Variants in LRP1B observed in about 807,000 individuals in gnomAD.
LRP1B encodes LDL receptor related protein 1B, also known as low-density lipoprotein receptor-related protein 1B.
LRP1B carries 217 observed loss-of-function variants against 556.6 expected under a neutral mutation model. The observed-to-expected ratio is 0.39, with a 90% CI of 0.35 to 0.44. The LOEUF is 0.44. LRP1B is among the 20% of genes least tolerant of loss of function. LRP1B has a pLI of 1.00. For synonymous variants in LRP1B, 2,047 were observed against 1,865.8 expected (o/e 1.10, Z -2.50); for missense variants, 5,053 against 5,620.8 (o/e 0.90, Z 3.23).
chr2:140,790,830 A>G (rs912506556), intron 32 of LRP1B, among the ~76,000 whole-genome samples: 1 of 152,168 alleles, frequency 6.6e-6, no homozygotes, highest in Non-Finnish European at 1.5e-5. Context: ...GGCCAAGGCA[A>G]TGGCTCACAC....
At chr2:140,470,469 C>A (rs185000167) in intron 60 of LRP1B, among the ~76,000 whole-genome samples, 1 of 151,692 alleles carries the variant, frequency 6.6e-6, no homozygotes, top group East Asian at 2.0e-4. Context: ...CACGGTGAAA[C>A]CCCGTCTCTC....
At chr2:141,189,075 A>C (rs893907266) in intron 6 of LRP1B, among the ~76,000 whole-genome samples, 1 of 151,992 alleles carries the variant, frequency 6.6e-6, no homozygotes, top group East Asian at 1.9e-4. Context: ...GTTTGAAAAA[A>C]TATCCAAAAC....
chr2:141,377,126 A>T (rs1166948463), intron 3 of LRP1B, among the ~76,000 whole-genome samples: 1 of 152,184 alleles, frequency 6.6e-6, no homozygotes, highest in Non-Finnish European at 1.5e-5. Context: ...GGATATGAGC[A>T]GTGCATGGGA....
At chr2:140,574,849 A>G (rs1295378139) in intron 43 of LRP1B, among the ~76,000 whole-genome samples, 1 of 152,182 alleles carries the variant, frequency 6.6e-6, no homozygotes, top group Admixed American at 6.5e-5. Flanking sequence ...TAATTAACCA[A>G]TATTTCTCAA....
intron 3 of LRP1B, among the ~76,000 whole-genome samples, chr2:141,380,839 G>A (rs780506822): frequency 2.0e-5 from 3 of 152,088 alleles, no homozygotes; most frequent in Non-Finnish European, 4.4e-5. Context: ...TCATACTTTA[G>A]TCTCTTGAGG....
chr2:142,065,515 A>G (rs1182634941), intron 1 of LRP1B, among the ~76,000 whole-genome samples: 1 of 151,252 alleles, frequency 6.6e-6, no homozygotes, highest in Non-Finnish European at 1.5e-5. Context: ...ATTTGTAATT[A>G]TTTTGGGCTT....
chr2:141,591,581 GGTGTGTGT>G (rs72043982), intron 2 of LRP1B, among the ~76,000 whole-genome samples: 94 of 148,226 alleles, frequency 6.3e-4, no homozygotes, highest in Admixed American at 2.3e-3. Flanking sequence ...ACTGCAGAGT[GGTGTGTGT>G]GTGTGTGTGT....
chr2:141,915,427 C>A (rs1277030154), intron 1 of LRP1B, among the ~76,000 whole-genome samples: 1 of 151,916 alleles, frequency 6.6e-6, no homozygotes, highest in African/African-American at 2.4e-5. Context: ...AACCTTTCAC[C>A]ATATACAAAA....
intron 21 of LRP1B, among the ~76,000 whole-genome samples, chr2:140,912,943 G>T (rs1039270264): frequency 6.6e-6 from 1 of 151,046 alleles, no homozygotes; most frequent in Admixed American, 6.6e-5. Context: ...AAACGGACTT[G>T]TTTTTAGTTT....
At chr2:140,576,223 G>A (rs578187819) in intron 43 of LRP1B, among the ~76,000 whole-genome samples, 1 of 152,078 alleles carries the variant, frequency 6.6e-6, no homozygotes, top group Non-Finnish European at 1.5e-5. Context: ...CAGAAGCTTG[G>A]GGCACAATTT....
chr2:141,651,763 G>T (rs907197976), intron 2 of LRP1B, among the ~76,000 whole-genome samples: 43 of 152,098 alleles, frequency 2.8e-4, no homozygotes, highest in Admixed American at 2.7e-3. Flanking sequence ...ATTTTTATTT[G>T]CTAAATATGA....
chr2:141,319,092 C>T (rs1687132909), intron 3 of LRP1B, among the ~76,000 whole-genome samples: 2 of 151,992 alleles, frequency 1.3e-5, no homozygotes, highest in Non-Finnish European at 2.9e-5. Context: ...ATAATATTGG[C>T]ACATATTTCA....
chr2:141,181,055 T>C (rs1680970078), intron 7 of LRP1B, among the ~76,000 whole-genome samples: 2 of 152,014 alleles, frequency 1.3e-5, no homozygotes, highest in South Asian at 4.1e-4. Flanking sequence ...GTTTTTCATT[T>C]GTTAATGGTA....
rs1682018516 is a variant in LRP1B at position 141,201,548 on chromosome 2, ACGTTT to A, written c.851-12970_851-12966del. ...TGCATATATTAGATTACTTTAGATT[ACGTTT>A]TGATTTGTGTCCCTAAAAATACATA... On this transcript the variant is annotated intron_variant, in intron 6 of 90. Transcript: ENST00000389484. Among the ~76,000 whole-genome samples the A allele has an allele frequency of 2.0e-5, 3 of 151,876 alleles. No homozygotes were observed. In the South Asian group the frequency reaches 6.2e-4, roughly 31 times the overall value.
intron 25 of LRP1B, among the ~76,000 whole-genome samples, chr2:140,870,278 C>T (rs1693087405): frequency 6.6e-6 from 1 of 152,134 alleles, no homozygotes; most frequent in Non-Finnish European, 1.5e-5. Context: ...CTTCACCTTT[C>T]TGGAAATTAT....
chr2:141,339,305 A>AAAAG (rs1553499030), intron 3 of LRP1B, among the ~76,000 whole-genome samples: 6 of 149,952 alleles, frequency 4.0e-5, no homozygotes, highest in African/African-American at 1.2e-4. Flanking sequence ...TAACGCAAAA[A>AAAAG]AAAAAAAAAG....
chr2:141,231,616 C>G (rs1005361042), intron 5 of LRP1B, among the ~76,000 whole-genome samples: 51 of 148,840 alleles, frequency 3.4e-4, no homozygotes, highest in Non-Finnish European at 6.7e-4. Flanking sequence ...CCACCCCCAC[C>G]CCTGCCCCGC....
intron 35 of LRP1B, among the ~76,000 whole-genome samples, chr2:140,748,707 T>C (rs1688440919): frequency 7.7e-6 from 1 of 129,176 alleles, no homozygotes; most frequent in South Asian, 2.2e-4. Flanking sequence ...GTCCTATGTA[T>C]ATATATATAT....
At chr2:140,361,923 T>A (rs962330489) in intron 72 of LRP1B, among the ~76,000 whole-genome samples, 1 of 151,628 alleles carries the variant, frequency 6.6e-6, no homozygotes, top group Non-Finnish European at 1.5e-5. Flanking sequence ...AGTCTTCTAA[T>A]CTTTACTTGC....
Sources: gnomAD v4.1 joint callset for allele counts (sites outside exome capture counted in the v4.1 genomes callset) on GRCh38, gnomAD v4.1.1 for gene constraint, MANE v1.5 for transcripts, NCBI Gene and HGNC (gene_info 2026-07-23, HGNC 2026-07-21) for gene names.